The following KIAA0825 variants were observed in gnomAD, a reference collection of about 807,000 sequenced individuals.
KIAA0825 encodes the protein KIAA0825, also known as uncharacterized protein KIAA0825.
A neutral mutation model predicts 147.6 loss-of-function variants in KIAA0825; 119 were observed. The observed-to-expected ratio is 0.81, with a 90% CI of 0.69 to 0.94. The LOEUF (loss-of-function observed/expected upper bound fraction) is 0.94, where lower values mean the gene tolerates loss of function less well. Ranked by LOEUF, KIAA0825 falls within the 40% of genes least tolerant of loss-of-function variation. The pLI is 0.00. For missense variants in KIAA0825, 1,381 were observed against 1,472.7 expected (o/e 0.94, Z 1.02); for synonymous variants, 470 against 518.1 (o/e 0.91, Z 1.26).
At chr5:94,422,409 A>G (rs891872466) in intron 14 of KIAA0825, among the ~76,000 whole-genome samples, 5 of 152,048 alleles carry the variant, frequency 3.3e-5, no homozygotes, top group Non-Finnish European at 5.9e-5. Flanking sequence ...CCCACTGTTC[A>G]CTGTTCATCA....
rs916847905 is a variant in KIAA0825 at position 94,153,992 on chromosome 5, G to C, written c.*15C>G. 7.3e-6 allele frequency: 11 copies of C among 1,503,336 alleles called. No homozygotes were observed. In the African/African-American group the frequency reaches 1.4e-4, roughly 19 times the overall value. 93.1% of individuals were successfully genotyped at this position (1,503,336 alleles called of 1,614,324 possible). A position where few individuals can be genotyped will look rare whatever the true frequency, so the allele number is the denominator to read the frequency against. On this transcript the variant is annotated 3_prime_UTR_variant, in exon 21 of 21. Transcript: ENST00000682413. ...GATTGTTTCCTAAAATAAAGCTGTT[G>C]CTGTTTTCTGCAGATTACTGTTCCT... is the stretch of plus-strand genomic sequence containing the variant.
chr5:94,394,198 A>G (rs760689493), intron 17 of KIAA0825, among the ~76,000 whole-genome samples: 9 of 152,194 alleles, frequency 5.9e-5, no homozygotes, highest in Non-Finnish European at 8.8e-5. Context: ...TGTTATCTAA[A>G]GTGAGTTAAG....
chr5:94,262,830 T>TG (rs1038255563), intron 20 of KIAA0825, among the ~76,000 whole-genome samples: 1 of 151,758 alleles, frequency 6.6e-6, no homozygotes, highest in African/African-American at 2.4e-5. Flanking sequence ...AGCACGACTG[T>TG]GGGGGTGGGG....
chr5:94,576,509 T>A (rs571078912), intron 2 of KIAA0825, among the ~76,000 whole-genome samples: 1 of 152,168 alleles, frequency 6.6e-6, no homozygotes, highest in East Asian at 1.9e-4. Flanking sequence ...CACGTCACCA[T>A]GTGATACCCT....
intron 2 of KIAA0825, among the ~76,000 whole-genome samples, 196 bp downstream of exon 2, chr5:94,582,237 A>T (rs1782330345): frequency 6.6e-6 from 1 of 152,186 alleles, no homozygotes; most frequent in Admixed American, 6.5e-5. Flanking sequence ...CTTGGTTAAA[A>T]ATCAAATTGT....
At chr5:94,434,870 C>T (rs982931705) in intron 14 of KIAA0825, among the ~76,000 whole-genome samples, 9 of 152,152 alleles carry the variant, frequency 5.9e-5, no homozygotes, top group African/African-American at 2.2e-4. Context: ...AAAGGTTCAA[C>T]CTCTCAACAT....
chr5:94,575,527 C>G (rs1225041338), intron 2 of KIAA0825, among the ~76,000 whole-genome samples: 4 of 152,176 alleles, frequency 2.6e-5, no homozygotes, highest in African/African-American at 9.7e-5. Flanking sequence ...AGAAACTAAA[C>G]AGGGCACATG....
intron 2 of KIAA0825, among the ~76,000 whole-genome samples, chr5:94,559,480 CTAAT>C (rs1166998143): frequency 6.6e-6 from 1 of 152,162 alleles, no homozygotes; most frequent in African/African-American, 2.4e-5. Flanking sequence ...AACAAACTAA[CTAAT>C]TAAATTGTTG....
chr5:94,469,943 G>C lies in KIAA0825; in HGVS notation c.1872+18C>G. On this transcript the variant is annotated intron_variant, in intron 10 of 20. Coordinates refer to ENST00000682413, the MANE Select transcript of KIAA0825 (RefSeq NM_001145678.3). ...CATATTTGTGTAAAAAGGAGGGATA[G>C]TAAACTTAACTTCACACCTCATAAA... The C allele has an allele frequency of 6.5e-7, 1 of 1,531,162 alleles. No homozygotes were observed. The highest frequency in any genetic ancestry group is 8.8e-7 in the Non-Finnish European group (1 of 1,135,262). 94.8% of individuals were successfully genotyped at this position (1,531,162 alleles called of 1,614,324 possible).
chr5:94,558,637 G>A (rs957912450), intron 2 of KIAA0825, among the ~76,000 whole-genome samples: 2 of 152,134 alleles, frequency 1.3e-5, no homozygotes, highest in African/African-American at 4.8e-5. Flanking sequence ...ATTCACCACA[G>A]GGTTCTCTCT....
intron 5 of KIAA0825, among the ~76,000 whole-genome samples, chr5:94,496,138 G>A (rs771892033): frequency 1.3e-5 from 2 of 152,160 alleles, no homozygotes; most frequent in African/African-American, 2.4e-5. Flanking sequence ...GACAGCTCAC[G>A]GGGCAAATCT....
Position 94,224,082 on chromosome 5 carries a change from C to CTTTTTTTTTTT in KIAA0825, c.3711-69969_3711-69959dup, listed in dbSNP as rs869059424. ...TTTCTTTTCTCTTTCTTTTTCTTTTCTTTTTTTTTTTTTTTTTTTTTTTTT... is the reference window on the plus strand; with the variant it reads ...TTTCTTTTCTCTTTCTTTTTCTTTTCTTTTTTTTTTTTTTTTTTTTTTTTTTTTTTTTTTTT... On this transcript the variant is annotated intron_variant, in intron 20 of 20. Transcript: ENST00000682413. Among the ~76,000 whole-genome samples, 547 of 56,558 alleles carry CTTTTTTTTTTT rather than the reference C, an allele frequency of 9.7e-3. 9 individuals carry two copies. Among genetic ancestry groups the CTTTTTTTTTTT allele is most frequent in the Middle Eastern group, 0.017 (1 of 58 alleles). 37.1% of individuals were successfully genotyped at this position (56,558 alleles called of 152,430 possible).
intron 20 of KIAA0825, among the ~76,000 whole-genome samples, chr5:94,159,350 T>G (rs1367003933): frequency 6.6e-6 from 1 of 152,010 alleles, no homozygotes; most frequent in African/African-American, 2.4e-5. Context: ...ACATAGGGGG[T>G]GCTAGTGGTA....
intron 15 of KIAA0825, among the ~76,000 whole-genome samples, chr5:94,404,852 C>G (rs1293048334): frequency 1.3e-5 from 2 of 152,122 alleles, no homozygotes; most frequent in Non-Finnish European, 2.9e-5. Flanking sequence ...AATATAGACA[C>G]TTTAGGAGGG....
intron 13 of KIAA0825, among the ~76,000 whole-genome samples, chr5:94,452,138 G>A (rs1317128964): frequency 6.6e-6 from 1 of 152,114 alleles, no homozygotes; most frequent in African/African-American, 2.4e-5. Context: ...TGGGGTCTAT[G>A]TCTCATTAAT....
At chr5:94,388,079 C>T (rs897693815) in intron 18 of KIAA0825, among the ~76,000 whole-genome samples, 5 of 152,060 alleles carry the variant, frequency 3.3e-5, no homozygotes, top group Non-Finnish European at 5.9e-5. Flanking sequence ...GGACATGGAC[C>T]GTGGGGAGGG....
chr5:94,369,335 T>C (rs550907070), intron 20 of KIAA0825, among the ~76,000 whole-genome samples: 1 of 152,292 alleles, frequency 6.6e-6, no homozygotes, highest in South Asian at 2.1e-4. Flanking sequence ...AAGCATTATT[T>C]AGCTAGCATA....
At chr5:94,402,506 T>C (rs1751510315) in intron 16 of KIAA0825, among the ~76,000 whole-genome samples, 1 of 151,968 alleles carries the variant, frequency 6.6e-6, no homozygotes, top group Non-Finnish European at 1.5e-5. Flanking sequence ...TAATAGGGCT[T>C]GGACAGAATT....
chr5:94,179,971 A>G (rs966565985), intron 20 of KIAA0825, among the ~76,000 whole-genome samples: 8 of 152,092 alleles, frequency 5.3e-5, no homozygotes, highest in African/African-American at 1.9e-4. Flanking sequence ...TTAAAACACC[A>G]CACGGTAACA....
Sources: allele counts gnomAD v4.1 joint callset (sites outside exome capture counted in the v4.1 genomes callset), GRCh38; gene constraint gnomAD v4.1.1; transcripts MANE v1.5; gene names NCBI Gene and HGNC (gene_info 2026-07-23, HGNC 2026-07-21).